Variants in CDH23 observed in about 807,000 individuals in gnomAD.
CDH23 encodes the protein cadherin related 23.
Under a neutral mutation model 317.1 loss-of-function variants are expected in CDH23, and 189 were observed. That is an observed-to-expected ratio of 0.60 (90% CI 0.53 to 0.67). The LOEUF (loss-of-function observed/expected upper bound fraction) is 0.67, where lower values mean the gene tolerates loss of function less well. Among genes scored for constraint, CDH23 ranks in the 30% least tolerant of loss-of-function variants. CDH23 has a pLI of 0.00. For missense variants in CDH23, 4,401 were observed against 4,592.4 expected (o/e 0.96, Z 1.20); for synonymous variants, 1,839 against 1,876.8 (o/e 0.98, Z 0.52).
At chr10:71,471,555 A>G (rs10823763) in intron 3 of CDH23, among the ~76,000 whole-genome samples, 67,884 of 151,650 alleles carry the variant, frequency 0.45, 15,316 homozygotes, top group East Asian at 0.56. Context: ...CCCAGTCTCC[A>G]GCCCAGCCAC....
rs10762481 is a variant in CDH23 at position 71,778,407 on chromosome 10, T to C, written c.5187+99T>C. 559,745 of 1,467,600 alleles carry C rather than the reference T, an allele frequency of 0.38. 107,931 individuals carry two copies. Among genetic ancestry groups the C allele is most frequent in the East Asian group, 0.52 (21,205 of 41,012 alleles). 90.9% of individuals were successfully genotyped at this position (1,467,600 alleles called of 1,614,324 possible). A position where few individuals can be genotyped will look rare whatever the true frequency, so the allele number is the denominator to read the frequency against. On this transcript the variant is annotated intron_variant, in intron 40 of 69. Coordinates refer to ENST00000224721, the MANE Select transcript of CDH23 (RefSeq NM_022124.6). ...GGGAAGGGGTTAGGGGAAGATTGTC[T>C]GAGGGAAATGCCTAAATCCAAGACC...
At position 71,805,920 on chromosome 10, in the gene CDH23, T is replaced by C; in HGVS notation, c.7987T>C (p.Phe2663Leu). 6.2e-7 allele frequency: 1 copy of C among 1,613,106 alleles called. No homozygotes were observed. The highest frequency in any genetic ancestry group is 8.5e-7 in the Non-Finnish European group (1 of 1,179,662). ...GACTGCGGGCAACCGGGACTGGGAG[T>C]TCTTCATCATCGACCCAATCAGCGG... ...LKTAGNRDWE[F>L]FIIDPISGLI... Residue 2663 changes from phenylalanine (F) to leucine (L), a missense_variant, in exon 56 of 70, where the codon TTC becomes CTC. Phe to Leu is a conservative substitution (Grantham distance 22, BLOSUM62 0). Transcript: ENST00000224721.
intron 38 of CDH23, among the ~76,000 whole-genome samples, chr10:71,767,159 T>C (rs1840567290): frequency 6.6e-6 from 1 of 152,236 alleles, no homozygotes; most frequent in South Asian, 2.1e-4. Flanking sequence ...GGAGCTCTTG[T>C]TGGCATCTTC....
intron 1 of CDH23, among the ~76,000 whole-genome samples, chr10:71,403,457 CCTTCCTT>C (rs1847941609): frequency 4.6e-5 from 1 of 21,590 alleles, no homozygotes; most frequent in Non-Finnish European, 8.2e-5. Flanking sequence ...TCCTTCCTTT[CCTTCCTT>C]CCTTCCTTCC....
chr10:71,624,117 C>T (rs1407718293), intron 11 of CDH23, among the ~76,000 whole-genome samples: 1 of 152,184 alleles, frequency 6.6e-6, no homozygotes, highest in African/African-American at 2.4e-5. Flanking sequence ...CCCGGGCCTT[C>T]CCCCTGCCCA....
chr10:71,768,475 G>C (rs919902101), intron 38 of CDH23, among the ~76,000 whole-genome samples: 2 of 147,100 alleles, frequency 1.4e-5, no homozygotes, highest in Non-Finnish European at 3.0e-5. Flanking sequence ...CTGGCCGTTT[G>C]GTTGGTTTTC....
At chr10:71,591,149 T>A (rs2132445764) in intron 9 of CDH23, among the ~76,000 whole-genome samples, 1 of 152,188 alleles carries the variant, frequency 6.6e-6, no homozygotes, top group Admixed American at 6.5e-5. Context: ...TGTCAGTAAG[T>A]TCCTGGGGGA....
chr10:71,517,710 C>T (rs562094867), intron 6 of CDH23, among the ~76,000 whole-genome samples: 9 of 152,330 alleles, frequency 5.9e-5, no homozygotes, highest in East Asian at 3.9e-4. Flanking sequence ...CGGGCCTTGG[C>T]GGCCCCTCTG....
chr10:71,530,210 A>G (rs1241714366), intron 6 of CDH23, among the ~76,000 whole-genome samples: 1 of 152,198 alleles, frequency 6.6e-6, no homozygotes, highest in Non-Finnish European at 1.5e-5. Context: ...TCTGTCAGCC[A>G]GGCTTTCCTT....
At chr10:71,622,879 G>C (rs1295243811) in intron 11 of CDH23, 1 of 982,722 alleles carries the variant, frequency 1.0e-6, no homozygotes, top group Non-Finnish European at 1.2e-6. Flanking sequence ...TCAGCTGCCA[G>C]ATTCTGGCTG....
chr10:71,785,882 C>G (rs957662984), intron 44 of CDH23, 144 bp downstream of exon 44: 16 of 678,370 alleles, frequency 2.4e-5, no homozygotes, highest in Non-Finnish European at 3.0e-5. Context: ...AATCCCAGTT[C>G]TCTCCTTCAG....
chr10:71,441,913 C>T (rs7087853), intron 2 of CDH23, among the ~76,000 whole-genome samples: 119,700 of 152,076 alleles, frequency 0.79, 47,618 homozygotes, highest in African/African-American at 0.89. Context: ...CACTCCCGCT[C>T]CAGCTAAGGG....
At chr10:71,637,416 C>A (rs916323117) in intron 11 of CDH23, among the ~76,000 whole-genome samples, 1 of 152,196 alleles carries the variant, frequency 6.6e-6, no homozygotes, top group African/African-American at 2.4e-5. Context: ...CTATTGAACA[C>A]TTATTCCGTC....
At chr10:71,612,227 AGTGTGT>A (rs112383786) in intron 9 of CDH23, among the ~76,000 whole-genome samples, 4 of 149,188 alleles carry the variant, frequency 2.7e-5, no homozygotes, top group Non-Finnish European at 4.5e-5. Context: ...GTGAAAAAGA[AGTGTGT>A]GTGTGTGTGT....
chr10:71,482,046 G>A (rs1852096805), intron 3 of CDH23, among the ~76,000 whole-genome samples: 1 of 152,168 alleles, frequency 6.6e-6, no homozygotes, highest in South Asian at 2.1e-4. Context: ...GAGCCTGACT[G>A]AGGCCCTTCG....
intron 9 of CDH23, among the ~76,000 whole-genome samples, chr10:71,589,780 A>G (rs1859344735): frequency 6.6e-6 from 1 of 152,222 alleles, no homozygotes; most frequent in Admixed American, 6.5e-5. Context: ...TGGAACCCAC[A>G]TTGGGAAAGG....
chr10:71,811,258 T>C, intron 62 of CDH23, 57 bp from the exon 63 acceptor site: 1 of 1,612,606 alleles, frequency 6.2e-7, no homozygotes, highest in Non-Finnish European at 8.5e-7. Flanking sequence ...CAGAGCAGAC[T>C]GTCGGTGGTG....
intron 3 of CDH23, among the ~76,000 whole-genome samples, chr10:71,486,675 G>A (rs1207801555): frequency 2.0e-5 from 3 of 152,200 alleles, no homozygotes; most frequent in Non-Finnish European, 4.4e-5. Context: ...TGCATGGTCA[G>A]TAGGGGGCGC....
chr10:71,667,645 G>T (rs1168201241), intron 14 of CDH23, among the ~76,000 whole-genome samples: 1 of 152,066 alleles, frequency 6.6e-6, no homozygotes, highest in Non-Finnish European at 1.5e-5. Flanking sequence ...CACAAGGCAG[G>T]CAACCTGTAA....
Sources: gnomAD v4.1 joint callset for allele counts (sites outside exome capture counted in the v4.1 genomes callset) on GRCh38, gnomAD v4.1.1 for gene constraint, MANE v1.5 for transcripts, NCBI Gene and HGNC (gene_info 2026-07-23, HGNC 2026-07-21) for gene names.